The following ARHGEF7 variants were observed in gnomAD, a reference collection of about 807,000 sequenced individuals.
ARHGEF7 encodes PAK-interacting exchange factor beta.
Under a neutral mutation model 109.8 loss-of-function variants are expected in ARHGEF7, and 33 were observed. The ratio of observed to expected loss-of-function variants is 0.30; its 90% CI spans 0.23 to 0.40. The LOEUF (loss-of-function observed/expected upper bound fraction) is 0.40. Ranked by LOEUF, ARHGEF7 falls within the 10% of genes least tolerant of loss-of-function variation. The pLI is 1.00. For synonymous variants in ARHGEF7, 458 were observed against 424.6 expected (o/e 1.08, Z -0.97); for missense variants, 938 against 1,098.5 (o/e 0.85, Z 2.07).
chr13:111,243,819 G>C (rs1396538429), intron 6 of ARHGEF7, 53 bp from the exon 7 acceptor site: 1 of 1,175,448 alleles, frequency 8.5e-7, no homozygotes, highest in African/African-American at 1.5e-5. Context: ...ATAAATCTTA[G>C]TGTCAAATAG....
intron 2 of ARHGEF7, among the ~76,000 whole-genome samples, chr13:111,201,484 C>A (rs367877451): frequency 1.8e-4 from 28 of 152,270 alleles, no homozygotes; most frequent in African/African-American, 6.7e-4. Context: ...AGAGGGCTGA[C>A]CTGTAAGTCA....
chr13:111,269,078 T>C (rs1034128465), intron 9 of ARHGEF7, among the ~76,000 whole-genome samples: 8 of 152,204 alleles, frequency 5.3e-5, no homozygotes, highest in Admixed American at 6.5e-5. Context: ...CCTCTGCACG[T>C]CCCGCTTGGG....
chr13:111,295,146 TAAAA>T (rs201571809), intron 19 of ARHGEF7: 12 of 985,190 alleles, frequency 1.2e-5, no homozygotes, highest in Non-Finnish European at 1.4e-5. Context: ...TGTTTTATAT[TAAAA>T]AAAACCTGTT....
chr13:111,222,196 T>A (rs1246055850), intron 5 of ARHGEF7, among the ~76,000 whole-genome samples: 2 of 152,168 alleles, frequency 1.3e-5, no homozygotes, highest in African/African-American at 4.8e-5. Context: ...GTATTAACCA[T>A]CACAATAGGG....
rs1440612432 is a variant in ARHGEF7, at chr13:111,167,950, T to G, written c.252+13959T>G. ...GAGCCACCCCTTCCTCACAGGACAC[T>G]TGAACAGTAAAACTGAACCTTCTTG... On this transcript the variant is annotated intron_variant, in intron 2 of 21. Coordinates refer to ENST00000646102, the MANE Select transcript of ARHGEF7 (RefSeq NM_001354046.2). Among the ~76,000 whole-genome samples the G allele has an allele frequency of 2.8e-3, 422 of 152,318 alleles. 2 individuals carry two copies. The highest frequency in any genetic ancestry group is 8.9e-3 in the African/African-American group (372 of 41,578).
At chr13:111,234,429 G>A (rs151228558) in intron 6 of ARHGEF7, among the ~76,000 whole-genome samples, 2 of 152,288 alleles carry the variant, frequency 1.3e-5, no homozygotes, top group African/African-American at 2.4e-5. Flanking sequence ...TTTATTGGGC[G>A]CCTGCTCTGT....
intron 9 of ARHGEF7, among the ~76,000 whole-genome samples, chr13:111,271,086 T>C (rs1170566589): frequency 6.6e-6 from 1 of 152,224 alleles, no homozygotes; most frequent in Non-Finnish European, 1.5e-5. Flanking sequence ...GTGGCCTTCA[T>C]GCAGGCCGTC....
intron 6 of ARHGEF7, among the ~76,000 whole-genome samples, chr13:111,238,209 C>T (rs7325443): frequency 0.23 from 34,721 of 152,044 alleles, 5,054 homozygotes; most frequent in East Asian, 0.78. Context: ...AATTAAGATC[C>T]GGGCGGCTTG....
chr13:111,268,668 C>T (rs886558000), intron 9 of ARHGEF7, among the ~76,000 whole-genome samples: 6 of 152,150 alleles, frequency 3.9e-5, no homozygotes, highest in African/African-American at 1.4e-4. Flanking sequence ...CTGGCTGTGG[C>T]TGCTCCCTTC....
At chr13:111,155,007 TAAAA>T (rs909350398) in intron 2 of ARHGEF7, among the ~76,000 whole-genome samples, 1 of 151,080 alleles carries the variant, frequency 6.6e-6, no homozygotes, top group African/African-American at 2.4e-5. Flanking sequence ...GGAAACCAAT[TAAAA>T]AAAAACAATA....
At chr13:111,226,313 C>T (rs544347353) in intron 5 of ARHGEF7, among the ~76,000 whole-genome samples, 29 of 152,300 alleles carry the variant, frequency 1.9e-4, no homozygotes, top group Non-Finnish European at 3.5e-4. Flanking sequence ...CACGTGCTGA[C>T]GGAGAAGCTG....
intron 4 of ARHGEF7, among the ~76,000 whole-genome samples, chr13:111,213,462 TGAG>T (rs888538618): frequency 1.5e-4 from 23 of 152,256 alleles, no homozygotes; most frequent in Admixed American, 1.2e-3. Context: ...AGCACCCAGA[TGAG>T]GAGGCAGAGC....
At chr13:111,278,555 A>T (rs1005647073) in intron 13 of ARHGEF7, among the ~76,000 whole-genome samples, 1 of 152,198 alleles carries the variant, frequency 6.6e-6, no homozygotes, top group African/African-American at 2.4e-5. Flanking sequence ...ATACGCTTAC[A>T]CCAACACACG....
chr13:111,236,279 C>G (rs2086810807), intron 6 of ARHGEF7, among the ~76,000 whole-genome samples: 1 of 152,232 alleles, frequency 6.6e-6, no homozygotes, highest in Non-Finnish European at 1.5e-5. Flanking sequence ...ATATTTATAA[C>G]AGCTGCTTTG....
chr13:111,271,629 C>G (rs926212678), intron 9 of ARHGEF7, among the ~76,000 whole-genome samples: 1 of 152,204 alleles, frequency 6.6e-6, no homozygotes, highest in African/African-American at 2.4e-5. Flanking sequence ...TGCACTTGCT[C>G]TCGTGCGTGC....
At chr13:111,245,292 AG>A (rs2088610189) in intron 8 of ARHGEF7, among the ~76,000 whole-genome samples, 1 of 152,078 alleles carries the variant, frequency 6.6e-6, no homozygotes, top group Non-Finnish European at 1.5e-5. Flanking sequence ...GGCTTTGGGA[AG>A]TGCTTTGGAA....
chr13:111,225,831 A>G (rs978205051), intron 5 of ARHGEF7, among the ~76,000 whole-genome samples: 5 of 152,216 alleles, frequency 3.3e-5, no homozygotes, highest in Admixed American at 1.3e-4. Context: ...CTGAGACACA[A>G]AAATACTGAA....
intron 1 of ARHGEF7, among the ~76,000 whole-genome samples, chr13:111,133,781 ATATATATATATATATATATATATATATAT>A (rs1566606614): frequency 4.1e-5 from 3 of 72,542 alleles, no homozygotes; most frequent in Non-Finnish European, 8.7e-5. Flanking sequence ...ATATATATAT[ATATATATATATATATATATATATATATAT>A]ATATTTATTA....
At chr13:111,136,852 A>G (rs2075111568) in intron 1 of ARHGEF7, among the ~76,000 whole-genome samples, 1 of 152,248 alleles carries the variant, frequency 6.6e-6, no homozygotes, top group Admixed American at 6.5e-5. Context: ...CGCTAGCAAG[A>G]CTAATAAAGA....
Sources: gnomAD v4.1 joint callset for allele counts (sites outside exome capture counted in the v4.1 genomes callset) on GRCh38, gnomAD v4.1.1 for gene constraint, MANE v1.5 for transcripts, NCBI Gene and HGNC (gene_info 2026-07-23, HGNC 2026-07-21) for gene names.